The following FN1 variants were observed in gnomAD, a reference collection of about 807,000 sequenced individuals.
The protein encoded by FN1 is fibronectin.
In FN1, 106 loss-of-function variants were observed where a neutral mutation model predicts 297.3. The ratio of observed to expected loss-of-function variants is 0.36; its 90% CI spans 0.30 to 0.42. The LOEUF (loss-of-function observed/expected upper bound fraction) is 0.42, where lower values mean the gene tolerates loss of function less well. Among genes scored for constraint, FN1 ranks in the 10% least tolerant of loss-of-function variants. FN1 has a pLI of 1.00. For synonymous variants in FN1, 1,149 were observed against 1,152.6 expected, an observed-to-expected ratio of 1.00 and a Z score of 0.06; for missense variants, 2,690 against 3,124.9, an observed-to-expected ratio of 0.86 and a Z score of 3.32.
rs546493437 is a variant in FN1, at chr2:215,433,049, G to A, written c.415+275C>T. 5.9e-5 allele frequency among the ~76,000 whole-genome samples: 9 copies of A among 152,194 alleles called. No homozygotes were observed. In the South Asian group the frequency reaches 1.5e-3, roughly 25 times the overall value. Reference sequence around the variant, plus strand: ...TGTCTTACTGAAATGGAACCCAAGAGGTCTCTTGGTTCTACTATGTACAGA... The same window carrying A: ...TGTCTTACTGAAATGGAACCCAAGAAGTCTCTTGGTTCTACTATGTACAGA... On this transcript the variant is annotated intron_variant, in intron 3 of 45. Transcript: ENST00000354785.
intron 32 of FN1, 104 bp downstream of exon 32, chr2:215,382,108 G>A (rs1426939105): frequency 4.0e-6 from 3 of 743,004 alleles, no homozygotes; most frequent in Admixed American, 3.9e-5. Context: ...TAACCAACAA[G>A]TTCACTTTCC....
At chr2:215,414,346 C>A (rs1444971228) in intron 13 of FN1, among the ~76,000 whole-genome samples, 1 of 152,110 alleles carries the variant, frequency 6.6e-6, no homozygotes, top group Non-Finnish European at 1.5e-5. Context: ...TCTTTTCCTT[C>A]TATCTAAATA....
At chr2:215,382,457 G>C in intron 31 of FN1, 132 bp from the exon 32 acceptor site, 1 of 684,146 alleles carries the variant, frequency 1.5e-6, no homozygotes, top group East Asian at 2.8e-5. Context: ...CAAAAATATG[G>C]AGAGTCAGAC....
At chr2:215,396,712 A>G (rs768256986) in intron 23 of FN1, among the ~76,000 whole-genome samples, 3 of 152,184 alleles carry the variant, frequency 2.0e-5, no homozygotes, top group Non-Finnish European at 4.4e-5. Flanking sequence ...ACCCTTAAAT[A>G]TTTGTGGTGC....
chr2:215,407,957 C>CAA, intron 17 of FN1, 151 bp downstream of exon 17: 3 of 45,598 alleles, frequency 6.6e-5, no homozygotes, highest in South Asian at 2.4e-4. Context: ...ACCCCCGCCA[C>CAA]ACACACACAC....
In FN1 at chr2:215,406,384, G is replaced by C. The variant is rs1222604882; in HGVS notation, c.2840C>G (p.Pro947Arg). 3 of 1,614,086 alleles carry C rather than the reference G, an allele frequency of 1.9e-6. No homozygotes were observed. The highest frequency in any genetic ancestry group is 2.7e-5 in the African/African-American group (2 of 74,940). Residue 947 changes from proline (P) to arginine (R), a missense_variant, in exon 19 of 46, where the codon CCT (proline) becomes CGT (arginine). Physicochemically the swap from Pro to Arg is moderately radical, Grantham distance 103. Around this residue, in one of 3 missense-constraint regions of FN1, gnomAD observed 1,743 missense variants for 1,945.2 expected, o/e 0.90. Coordinates refer to ENST00000354785, the MANE Select transcript of FN1 (RefSeq NM_212482.4). Reference protein sequence around the residue: ...YRVDVIPVNLPGEHGQRLPIS... With the variant: ...YRVDVIPVNLRGEHGQRLPIS... Reference sequence around the variant, plus strand: ...GGGCAGCCTCTGCCCGTGCTCGCCAGGCAGGTTGACGGGGATCACATCCAC... The same window carrying C: ...GGGCAGCCTCTGCCCGTGCTCGCCACGCAGGTTGACGGGGATCACATCCAC...
intron 13 of FN1, among the ~76,000 whole-genome samples, chr2:215,410,790 A>G (rs935631607): frequency 3.3e-5 from 5 of 152,180 alleles, no homozygotes; most frequent in African/African-American, 1.2e-4. Context: ...TACAAGCGTG[A>G]GCCACCACGC....
At chr2:215,370,547 C>CAAAAAAA (rs1559336677) in intron 40 of FN1, 115 bp from the exon 41 acceptor site, 7 of 297,672 alleles carry the variant, frequency 2.4e-5, no homozygotes, top group African/African-American at 1.3e-4. Flanking sequence ...AGACAAAAAA[C>CAAAAAAA]AAAAAACAAA....
At chr2:215,387,973 GT>G (rs1489947895) in intron 27 of FN1, among the ~76,000 whole-genome samples, 1 of 152,162 alleles carries the variant, frequency 6.6e-6, no homozygotes, top group Admixed American at 6.5e-5. Context: ...CTTAGAAAAT[GT>G]TTTTTAAAAG....
chr2:215,401,192 A>AGAAAG lies in FN1; in HGVS notation c.3254-1846_3254-1842dup, dbSNP rs1276476104. The stretch of plus-strand genomic sequence containing the variant: ...GAAAGAGAGAGAGAGTGAGAGAGAA[A>AGAAAG]GAAAGAAAAGAAAGAAAGAAAGAAA... On this transcript the variant is annotated intron_variant, in intron 20 of 45. Coordinates refer to ENST00000354785, the MANE Select transcript of FN1 (RefSeq NM_212482.4). Among the ~76,000 whole-genome samples the AGAAAG allele has an allele frequency of 1.9e-4, 21 of 113,054 alleles. 1 individual carries two copies. The highest frequency in any genetic ancestry group is 5.4e-4 in the South Asian group (2 of 3,684). The allele number at this position is 113,054 out of a possible 152,430, so 74.2% of individuals were successfully genotyped here.
At chr2:215,376,902 T>C (rs370644579) in intron 35 of FN1, among the ~76,000 whole-genome samples, 8 of 152,330 alleles carry the variant, frequency 5.3e-5, no homozygotes, top group African/African-American at 1.4e-4. Context: ...GCTGAAAAGC[T>C]TTATAGATAC....
intron 28 of FN1, 113 bp downstream of exon 28, chr2:215,386,568 ATTTTTTTT>A (rs5838504): frequency 0.013 from 4,450 of 335,264 alleles, 3 homozygotes; most frequent in Middle Eastern, 0.031. Flanking sequence ...ACAATGATCT[ATTTTTTTT>A]TTTTTTTTTT....
intron 8 of FN1, 24 bp downstream of exon 8, chr2:215,424,122 G>C (rs1559569710): frequency 1.2e-6 from 2 of 1,612,176 alleles, no homozygotes; most frequent in Admixed American, 1.7e-5. Flanking sequence ...TCTCACTTCT[G>C]TGGCTCCCCC....
At chr2:215,435,463 G>A (rs1389021758) in intron 1 of FN1, among the ~76,000 whole-genome samples, 192 bp downstream of exon 1, 1 of 152,164 alleles carries the variant, frequency 6.6e-6, no homozygotes, top group East Asian at 1.9e-4. Context: ...TCCAATGCAC[G>A]GTCTTATCAT....
Position 215,372,190 on chromosome 2 carries a change from C to T in FN1, c.6433G>A (p.Glu2145Lys), listed in dbSNP as rs916750766. ...GGTGTGGTCCGCCTAAAACCATGTT[C>T]CTCAAAGATCATTTGTTGCCCAACA... The part of the protein sequence containing the change: ...PSVGQQMIFE[E>K]HGFRRTTPPT... The change falls in exon 40 of 46, where the codon GAA becomes AAA. Residue 2145 changes from glutamate to lysine, a missense_variant. By Grantham distance (56) the Glu-to-Lys change is moderately conservative. This residue lies in a region of FN1 where 1,743 missense variants were observed against 1,945.2 expected (regional missense o/e 0.90). Transcript: ENST00000354785. 11 of 1,614,092 alleles carry T rather than the reference C, an allele frequency of 6.8e-6. No homozygotes were observed. The highest frequency in any genetic ancestry group is 9.3e-6 in the Non-Finnish European group (11 of 1,180,050).
At chr2:215,423,592 T>G in intron 8 of FN1, 66 bp from the exon 9 acceptor site, 1 of 1,479,798 alleles carries the variant, frequency 6.8e-7, no homozygotes, top group Non-Finnish European at 9.4e-7. Flanking sequence ...GTACACAGAA[T>G]TACTGGTCTG....
intron 23 of FN1, 91 bp downstream of exon 23, chr2:215,397,046 C>G: frequency 1.2e-6 from 1 of 862,804 alleles, no homozygotes; most frequent in Non-Finnish European, 2.0e-6. Flanking sequence ...TAATTTGAAT[C>G]CCTTCTTTCT....
At chr2:215,404,305 T>TTTTTG (rs200017675) in intron 20 of FN1, 84 bp downstream of exon 20, 37 of 1,324,288 alleles carry the variant, frequency 2.8e-5, no homozygotes, top group Non-Finnish European at 3.4e-5. Context: ...TAATGTTTTT[T>TTTTTG]TTGTTTTGTT....
chr2:215,416,661 T>A (rs1253862777), intron 12 of FN1, among the ~76,000 whole-genome samples: 4 of 152,212 alleles, frequency 2.6e-5, no homozygotes, highest in Non-Finnish European at 5.9e-5. Context: ...TTGTCAATCA[T>A]GATTTTGAGG....
Sources: gnomAD v4.1 joint callset for allele counts (sites outside exome capture counted in the v4.1 genomes callset) on GRCh38, gnomAD v4.1.1 for gene constraint, gnomAD v4.1.1 regional missense constraint, MANE v1.5 for transcripts, NCBI Gene and HGNC (gene_info 2026-07-23, HGNC 2026-07-21) for gene names.